The following KLHL1 variants were observed in gnomAD, a reference collection of about 807,000 sequenced individuals.
The protein encoded by KLHL1 is kelch like family member 1.
Under a neutral mutation model 77.7 loss-of-function variants are expected in KLHL1, and 47 were observed. That is an observed-to-expected ratio of 0.60 (90% CI 0.48 to 0.77). The LOEUF (loss-of-function observed/expected upper bound fraction) is 0.77. KLHL1 is among the 30% of genes least tolerant of loss of function. The pLI is 0.00. For missense variants in KLHL1, 925 were observed against 910.8 expected, an observed-to-expected ratio of 1.02 and a Z score of -0.20; for synonymous variants, 360 against 325.2, an observed-to-expected ratio of 1.11 and a Z score of -1.15.
At chr13:69,727,141 T>TA (rs1229020937) in intron 8 of KLHL1, among the ~76,000 whole-genome samples, 1 of 152,136 alleles carries the variant, frequency 6.6e-6, no homozygotes, top group Non-Finnish European at 1.5e-5. Context: ...AGGTACAGAT[T>TA]AAACTATGCT....
At chr13:70,059,984 G>T (rs1335044032) in intron 1 of KLHL1, among the ~76,000 whole-genome samples, 1 of 152,092 alleles carries the variant, frequency 6.6e-6, no homozygotes, top group Non-Finnish European at 1.5e-5. Flanking sequence ...ATTGTAATTT[G>T]GCATGAGATT....
chr13:69,772,756 G>A (rs900601456), intron 7 of KLHL1, among the ~76,000 whole-genome samples: 1 of 152,128 alleles, frequency 6.6e-6, no homozygotes, highest in African/African-American at 2.4e-5. Context: ...GATGAACAAA[G>A]TGTTGTTTCT....
intron 1 of KLHL1, among the ~76,000 whole-genome samples, chr13:70,025,340 T>C (rs538823782): frequency 1.3e-5 from 2 of 152,198 alleles, no homozygotes; most frequent in African/African-American, 4.8e-5. Context: ...TAGTTGACTT[T>C]GAGGTGGAAT....
At chr13:70,051,944 C>CT (rs5804468) in intron 1 of KLHL1, among the ~76,000 whole-genome samples, 1,742 of 146,932 alleles carry the variant, frequency 0.012, 35 homozygotes, top group African/African-American at 0.04. Context: ...TTATAGAAAG[C>CT]TTTTTTTTTT....
chr13:69,782,453 A>G (rs1237330696), intron 7 of KLHL1, among the ~76,000 whole-genome samples: 1 of 152,032 alleles, frequency 6.6e-6, no homozygotes, highest in African/African-American at 2.4e-5. Flanking sequence ...AAATCGGGTC[A>G]CTCCCACCCT....
intron 6 of KLHL1, among the ~76,000 whole-genome samples, chr13:69,821,242 T>A (rs1435600581): frequency 6.6e-6 from 1 of 152,180 alleles, no homozygotes; most frequent in Non-Finnish European, 1.5e-5. Context: ...AATCATAAAT[T>A]ATTACGAGAA....
intron 1 of KLHL1, among the ~76,000 whole-genome samples, chr13:70,052,310 T>A (rs1886648091): frequency 6.6e-6 from 1 of 151,856 alleles, no homozygotes; most frequent in African/African-American, 2.4e-5. Context: ...AAACAATTAC[T>A]TTGGCCCTAT....
intron 6 of KLHL1, among the ~76,000 whole-genome samples, chr13:69,812,559 T>C (rs1190893970): frequency 6.6e-6 from 1 of 152,040 alleles, no homozygotes; most frequent in Non-Finnish European, 1.5e-5. Flanking sequence ...GGAGAAAATG[T>C]TTGCAATCTA....
At chr13:69,936,635 C>G (rs901314546) in intron 4 of KLHL1, among the ~76,000 whole-genome samples, 2 of 149,714 alleles carry the variant, frequency 1.3e-5, no homozygotes, top group Non-Finnish European at 3.0e-5. Context: ...TGCTATGATG[C>G]TATGTTGAAG....
chr13:70,083,535 C>T (rs547618531), intron 1 of KLHL1, among the ~76,000 whole-genome samples: 2 of 152,178 alleles, frequency 1.3e-5, no homozygotes, highest in South Asian at 4.1e-4. Flanking sequence ...TAATTTTAGA[C>T]TTTGTAGATT....
intron 1 of KLHL1, among the ~76,000 whole-genome samples, chr13:70,104,004 A>G (rs1272957244): frequency 3.3e-5 from 5 of 152,166 alleles, no homozygotes; most frequent in African/African-American, 7.2e-5. Flanking sequence ...TTCAGAATCT[A>G]AAAAAGCAAG....
intron 4 of KLHL1, chr13:69,895,069 C>T (rs1593925988): frequency 2.1e-6 from 1 of 485,096 alleles, no homozygotes; most frequent in East Asian, 5.4e-5. Context: ...CTTCAGATCA[C>T]CCACTTCGGA....
rs375949010 is a variant in KLHL1 at position 70,074,860 on chromosome 13, GTAGA to G, written c.497+32339_497+32342del. Among the ~76,000 whole-genome samples, 649 of 152,130 alleles carry G rather than the reference GTAGA, an allele frequency of 4.3e-3. 3 individuals carry two copies. The highest frequency in any genetic ancestry group is 8.3e-3 in the Non-Finnish European group (565 of 68,022). ...TTATCACTATTCACAGCATGATTGT[GTAGA>G]TAAAAAATTTTAAATTCTGTAGACA... is the stretch of plus-strand genomic sequence containing the variant. On this transcript the variant is annotated intron_variant, in intron 1 of 10. Transcript: ENST00000377844.
chr13:69,828,028 G>A lies in KLHL1; in HGVS notation c.1414+10948C>T, dbSNP rs1308392840. ...TCATTGATGTGAAAATGGCAGATAG[G>A]ATACAGGACTAACTTGCAGCTCCCA... On this transcript the variant is annotated intron_variant, in intron 6 of 10. Transcript: ENST00000377844. Among the ~76,000 whole-genome samples the A allele has an allele frequency of 5.3e-5, 8 of 150,420 alleles. No homozygotes were observed. In the South Asian group the frequency reaches 1.7e-3, roughly 31 times the overall value.
At chr13:70,051,808 C>T (rs977683198) in intron 1 of KLHL1, among the ~76,000 whole-genome samples, 1 of 151,946 alleles carries the variant, frequency 6.6e-6, no homozygotes. Flanking sequence ...GTTCTGCTAA[C>T]TTTTCAGAGA....
intron 4 of KLHL1, among the ~76,000 whole-genome samples, chr13:69,900,290 T>C (rs530110026): frequency 2.2e-4 from 34 of 152,292 alleles, no homozygotes; most frequent in Admixed American, 1.9e-3. Flanking sequence ...TAATATTCAT[T>C]GGTCTCACCA....
chr13:69,711,819 C>T (rs1875888945), intron 9 of KLHL1, among the ~76,000 whole-genome samples: 1 of 152,108 alleles, frequency 6.6e-6, no homozygotes, highest in Non-Finnish European at 1.5e-5. Context: ...ACACTCCACT[C>T]CTACCATCAG....
At chr13:69,842,377 G>A (rs114341693) in intron 5 of KLHL1, among the ~76,000 whole-genome samples, 2,850 of 151,730 alleles carry the variant, frequency 0.019, 72 homozygotes, top group African/African-American at 0.054. Context: ...AAAAGTGGGC[G>A]AAGGACATGA....
At chr13:69,919,230 C>T (rs565873843) in intron 4 of KLHL1, among the ~76,000 whole-genome samples, 1 of 152,266 alleles carries the variant, frequency 6.6e-6, no homozygotes, top group South Asian at 2.1e-4. Flanking sequence ...TCTTTCAAAG[C>T]ATCTGTGTTT....
Sources: allele counts gnomAD v4.1 joint callset (sites outside exome capture counted in the v4.1 genomes callset), GRCh38; gene constraint gnomAD v4.1.1; transcripts MANE v1.5; gene names NCBI Gene and HGNC (gene_info 2026-07-23, HGNC 2026-07-21).